Variants in NINJ2 observed in about 807,000 individuals in gnomAD.
NINJ2 encodes the protein ninjurin 2.
In NINJ2, 12 loss-of-function variants were observed where a neutral mutation model predicts 11.7. The ratio of observed to expected loss-of-function variants is 1.02; its 90% CI spans 0.66 to 1.66. NINJ2 has a LOEUF of 1.66. NINJ2 is among the 40% of genes most tolerant of loss of function. The probability of loss-of-function intolerance (pLI) is 0.00; values close to 1 mark genes in which losing one functional copy is unlikely to be tolerated. For synonymous variants in NINJ2, 93 were observed against 76.8 expected, an observed-to-expected ratio of 1.21 and a Z score of -1.10; for missense variants, 187 against 181.8, an observed-to-expected ratio of 1.03 and a Z score of -0.16.
chr12:603,004 TA>T, intron 1 of NINJ2, among the ~76,000 whole-genome samples: 2 of 60,848 alleles, frequency 3.3e-5, no homozygotes, highest in East Asian at 6.9e-4. Flanking sequence ...AGCTAATTTT[TA>T]ATTTTTTTTT....
intron 1 of NINJ2, among the ~76,000 whole-genome samples, chr12:653,584 G>T (rs1209280944): frequency 6.6e-6 from 1 of 151,828 alleles, no homozygotes; most frequent in Non-Finnish European, 1.5e-5. Flanking sequence ...CTTGTAAACT[G>T]CAAACTCCAG....
At chr12:604,988 G>A (rs935831479) in intron 1 of NINJ2, among the ~76,000 whole-genome samples, 2 of 152,226 alleles carry the variant, frequency 1.3e-5, no homozygotes, top group Admixed American at 6.5e-5. Flanking sequence ...AAGAATATGT[G>A]TTTAGGATTT....
chr12:625,437 AG>A lies in NINJ2; in HGVS notation c.33+37890del, dbSNP rs1228406770. Among the ~76,000 whole-genome samples the A allele has an allele frequency of 9.5e-5, 5 of 52,584 alleles. No individual in the cohort carries two copies. The East Asian group carries it at 2.7e-3, about 28-fold the overall frequency. The allele number at this position is 52,584 out of a possible 152,430, so 34.5% of individuals were successfully genotyped here. A position where few individuals can be genotyped will look rare whatever the true frequency, so the allele number is the denominator to read the frequency against. On this transcript the variant is annotated intron_variant, in intron 1 of 3. Transcript: ENST00000305108. ...TTGGGAATTTCAGGGGAATCACTGA[AG>A]GTTTTTGAGTAGAGTTCATGGTGAT... is the stretch of plus-strand genomic sequence containing the variant.
At chr12:609,994 G>A (rs1455421604) in intron 1 of NINJ2, among the ~76,000 whole-genome samples, 1 of 135,498 alleles carries the variant, frequency 7.4e-6, no homozygotes, top group Non-Finnish European at 1.6e-5. Context: ...TTTGACCATG[G>A]AAGGTCACAC....
rs1258718087 is a variant in NINJ2, at chr12:634,228, G to GTTGTGC, written c.33+29094_33+29099dup. Among the ~76,000 whole-genome samples the GTTGTGC allele has an allele frequency of 8.8e-5, 12 of 136,182 alleles. No individual in the cohort carries two copies. In the East Asian group the frequency reaches 2.9e-3, roughly 33 times the overall value. 89.3% of individuals were successfully genotyped at this position (136,182 alleles called of 152,430 possible). A position where few individuals can be genotyped will look rare whatever the true frequency, so the allele number is the denominator to read the frequency against. ...ATGTAAGTTATAGTGCCTCACATAA[G>GTTGTGC]TTGTGCTCACTAAATAAATGTTGAT... is the stretch of plus-strand genomic sequence containing the variant. On this transcript the variant is annotated intron_variant, in intron 1 of 3. Transcript: ENST00000305108.
chr12:647,950 C>A (rs1262909044), intron 1 of NINJ2, among the ~76,000 whole-genome samples: 1 of 152,192 alleles, frequency 6.6e-6, no homozygotes, highest in Non-Finnish European at 1.5e-5. Context: ...CCTTCCTGAG[C>A]TTCACTTCTG....
chr12:629,103 T>C (rs2120417379), intron 1 of NINJ2, among the ~76,000 whole-genome samples: 1 of 152,352 alleles, frequency 6.6e-6, no homozygotes, highest in African/African-American at 2.4e-5. Context: ...CTTCATGGAC[T>C]AGCCCAGAGT....
chr12:593,823 C>A (rs913032692), intron 1 of NINJ2, among the ~76,000 whole-genome samples: 11 of 152,030 alleles, frequency 7.2e-5, no homozygotes, highest in East Asian at 3.8e-4. Flanking sequence ...GAAGAAGAAG[C>A]AGCAGCAGCA....
intron 1 of NINJ2, among the ~76,000 whole-genome samples, chr12:595,819 T>TA (rs2120887394): frequency 6.6e-6 from 1 of 152,282 alleles, no homozygotes; most frequent in South Asian, 2.1e-4. Flanking sequence ...CTTAGACTTT[T>TA]AAAATTCAAC....
chr12:637,378 A>C (rs1173575409), intron 1 of NINJ2, among the ~76,000 whole-genome samples: 1 of 150,126 alleles, frequency 6.7e-6, no homozygotes, highest in Non-Finnish European at 1.5e-5. Context: ...ATGGTGGCTC[A>C]AGGTTGTAAT....
At chr12:649,430 A>G (rs1222193761) in intron 1 of NINJ2, among the ~76,000 whole-genome samples, 1 of 151,932 alleles carries the variant, frequency 6.6e-6, no homozygotes, top group African/African-American at 2.4e-5. Flanking sequence ...AAAGTGGAAC[A>G]GCCACTTAAA....
intron 2 of NINJ2, chr12:565,742 A>G: frequency 4.6e-6 from 3 of 654,338 alleles, no homozygotes; most frequent in East Asian, 2.7e-5. Flanking sequence ...GGTCTGCTCC[A>G]TGGGATACCA....
At chr12:583,639 G>A (rs1312288381) in intron 1 of NINJ2, among the ~76,000 whole-genome samples, 3 of 152,238 alleles carry the variant, frequency 2.0e-5, no homozygotes, top group African/African-American at 7.2e-5. Context: ...AGGACAGCTT[G>A]GGGGTCTCCA....
chr12:621,081 G>A (rs1948147324), intron 1 of NINJ2, among the ~76,000 whole-genome samples: 1 of 152,124 alleles, frequency 6.6e-6, no homozygotes, highest in Non-Finnish European at 1.5e-5. Flanking sequence ...CGTCCTTCTT[G>A]AAGAAATAGC....
At chr12:657,700 C>T (rs933769351) in intron 1 of NINJ2, among the ~76,000 whole-genome samples, 1 of 152,126 alleles carries the variant, frequency 6.6e-6, no homozygotes, top group Non-Finnish European at 1.5e-5. Context: ...GAAGATTCTC[C>T]ACATCTTATG....
intron 1 of NINJ2, among the ~76,000 whole-genome samples, chr12:656,264 T>A (rs1330117427): frequency 6.6e-6 from 1 of 151,828 alleles, no homozygotes; most frequent in African/African-American, 2.4e-5. Context: ...CTTGGGAAGC[T>A]GAGGCAGGAG....
chr12:576,252 A>G (rs12227525), intron 1 of NINJ2, among the ~76,000 whole-genome samples: 71,898 of 151,854 alleles, frequency 0.47, 17,575 homozygotes, highest in African/African-American at 0.59. Context: ...CCTCCCCGGA[A>G]GGCCTGCGGC....
chr12:663,398 C>G lies in NINJ2; in HGVS notation c.-38G>C, dbSNP rs570353758. ...AAGTCCCTTCACACGCACCGGGTGC[C>G]GGGAACAGACTGCGTGGGCTCCTCC... On this transcript the variant is annotated 5_prime_UTR_variant, in exon 1 of 4. Coordinates refer to ENST00000305108, the MANE Select transcript of NINJ2 (RefSeq NM_016533.6). 2 of 1,614,126 alleles carry G rather than the reference C, an allele frequency of 1.2e-6. No individual in the cohort carries two copies. Among genetic ancestry groups the G allele is most frequent in the African/African-American group, 2.7e-5 (2 of 75,052 alleles).
intron 1 of NINJ2, among the ~76,000 whole-genome samples, chr12:654,377 C>T (rs1037306912): frequency 6.6e-6 from 1 of 151,144 alleles, no homozygotes; most frequent in Non-Finnish European, 1.5e-5. Context: ...AAAAATTAGC[C>T]GGGCATGGTG....
Sources: allele counts gnomAD v4.1 joint callset (sites outside exome capture counted in the v4.1 genomes callset), GRCh38; gene constraint gnomAD v4.1.1; transcripts MANE v1.5; gene names NCBI Gene and HGNC (gene_info 2026-07-23, HGNC 2026-07-21).